Variants in SIK2 observed in about 807,000 individuals in gnomAD.
The protein encoded by SIK2 is salt inducible kinase 2.
A neutral mutation model predicts 103.2 loss-of-function variants in SIK2; 29 were observed. The observed-to-expected ratio is 0.28, with a 90% CI of 0.21 to 0.38. SIK2 has a LOEUF of 0.38. Ranked by LOEUF, SIK2 falls within the 10% of genes least tolerant of loss-of-function variation. SIK2 has a pLI of 1.00. For missense variants in SIK2, 879 were observed against 1,171.0 expected (o/e 0.75, Z 3.64); for synonymous variants, 412 against 446.1 (o/e 0.92, Z 0.96).
intron 3 of SIK2, chr11:111,672,150 C>T: frequency 6.8e-6 from 3 of 443,178 alleles, no homozygotes; most frequent in South Asian, 5.7e-5. Context: ...GGTCCACTTC[C>T]AGCTTAAAAG....
At chr11:111,605,646 A>G (rs1941640141) in intron 1 of SIK2, among the ~76,000 whole-genome samples, 1 of 152,174 alleles carries the variant, frequency 6.6e-6, no homozygotes, top group African/African-American at 2.4e-5. Context: ...GGGCTTAATC[A>G]TCTATGTAAT....
Position 111,602,526 on chromosome 11 carries a change from C to A in SIK2, c.-38C>A, listed in dbSNP as rs780264485. 34 of 1,445,536 alleles carry A rather than the reference C, an allele frequency of 2.4e-5. No individual in the cohort carries two copies. In the South Asian group the frequency reaches 4.0e-4, roughly 17 times the overall value. 89.5% of individuals were successfully genotyped at this position (1,445,536 alleles called of 1,614,324 possible). On this transcript the variant is annotated 5_prime_UTR_variant, in exon 1 of 15. Transcript: ENST00000304987. The surrounding 1 kb of genome is among the most constrained non-coding windows in gnomAD (Gnocchi z 4.5). The stretch of plus-strand genomic sequence containing the variant: ...CGCGCTGCCAACCCTCCCGCCCGCC[C>A]GCGCTCCTGTCCGCCGTGTCTAGCA...
intron 1 of SIK2, among the ~76,000 whole-genome samples, chr11:111,610,209 G>C (rs1483411665): frequency 6.6e-6 from 1 of 152,162 alleles, no homozygotes; most frequent in East Asian, 1.9e-4. Flanking sequence ...GACAGGATAG[G>C]CCAGGCATGG....
Position 111,722,860 on chromosome 11 carries a change from A to C in SIK2, c.2147+104A>C. 3 of 1,069,990 alleles carry C rather than the reference A, an allele frequency of 2.8e-6. No individual in the cohort carries two copies. The South Asian group carries it at 4.4e-5, about 16-fold the overall frequency. The allele number at this position is 1,069,990 out of a possible 1,614,324, so 66.3% of individuals were successfully genotyped here. A position where few individuals can be genotyped will look rare whatever the true frequency, so the allele number is the denominator to read the frequency against. On this transcript the variant is annotated intron_variant, in intron 14 of 14. Transcript: ENST00000304987. The surrounding 1 kb of genome is among the most constrained non-coding windows in gnomAD (Gnocchi z 4.4). ...TCTCACATTCGCCACTACTAGGAAA[A>C]TAGGTTTTCTGCGTGTGTCACAGGC...
intron 3 of SIK2, among the ~76,000 whole-genome samples, chr11:111,638,053 T>A (rs1357628255): frequency 1.3e-5 from 2 of 152,246 alleles, no homozygotes; most frequent in Non-Finnish European, 2.9e-5. Flanking sequence ...TAGGGTGATC[T>A]GACTGTGTTC....
intron 3 of SIK2, among the ~76,000 whole-genome samples, chr11:111,682,779 C>T (rs1942793334): frequency 1.3e-5 from 2 of 152,144 alleles, no homozygotes; most frequent in Admixed American, 1.3e-4. Flanking sequence ...TTTATTAGGA[C>T]ATTTCTACCT....
At chr11:111,720,276 C>A (rs1433366106) in intron 10 of SIK2, among the ~76,000 whole-genome samples, 1 of 152,122 alleles carries the variant, frequency 6.6e-6, no homozygotes, top group African/African-American at 2.4e-5. Flanking sequence ...TGGCTGAGAT[C>A]TTACAGATGC....
chr11:111,635,010 G>T (rs1942088015), intron 3 of SIK2, among the ~76,000 whole-genome samples: 1 of 152,140 alleles, frequency 6.6e-6, no homozygotes, highest in Admixed American at 6.6e-5. Context: ...ATTTTTATTA[G>T]ATATGTATAA....
chr11:111,612,920 ATATATATAT>A (rs1565306920), intron 1 of SIK2, among the ~76,000 whole-genome samples: 30 of 140,910 alleles, frequency 2.1e-4, no homozygotes, highest in East Asian at 5.8e-4. Flanking sequence ...AATGGGATAT[ATATATATAT>A]ATATATATAT....
chr11:111,711,121 ATT>A (rs773337497), intron 8 of SIK2, among the ~76,000 whole-genome samples: 4 of 143,936 alleles, frequency 2.8e-5, no homozygotes, highest in Non-Finnish European at 3.1e-5. Context: ...CTTTTAAATG[ATT>A]TTTTTTTTTT....
intron 3 of SIK2, among the ~76,000 whole-genome samples, chr11:111,631,664 C>G (rs181662275): frequency 1.9e-4 from 29 of 152,310 alleles, no homozygotes; most frequent in Admixed American, 1.6e-3. Flanking sequence ...ATTTAAAACT[C>G]TAGCCTTGAG....
At chr11:111,648,974 C>T (rs1012823603) in intron 3 of SIK2, among the ~76,000 whole-genome samples, 7 of 152,080 alleles carry the variant, frequency 4.6e-5, no homozygotes, top group South Asian at 2.1e-4. Flanking sequence ...TGTCTCCCTA[C>T]CAATTATGGT....
Position 111,722,957 on chromosome 11 carries a change from C to G in SIK2, c.2147+201C>G, listed in dbSNP as rs574516062. ...TGGTCCTGTCAGGCACTGGCAGCCC[C>G]ACAGTGTACTTTGTTTTCCTTTTCT... On this transcript the variant is annotated intron_variant, in intron 14 of 14. Coordinates refer to ENST00000304987, the MANE Select transcript of SIK2 (RefSeq NM_015191.3). The surrounding 1 kb of genome is among the most constrained non-coding windows in gnomAD (Gnocchi z 4.4). Among the ~76,000 whole-genome samples the G allele has an allele frequency of 2.0e-5, 3 of 152,306 alleles. No homozygotes were observed. In the South Asian group the frequency reaches 6.2e-4, roughly 32 times the overall value.
chr11:111,681,063 CAGAA>C (rs531494186), intron 3 of SIK2, among the ~76,000 whole-genome samples: 2 of 151,962 alleles, frequency 1.3e-5, no homozygotes, highest in Non-Finnish European at 2.9e-5. Context: ...ATTGCAGTGG[CAGAA>C]AGAAAATCTG....
At position 111,723,938 on chromosome 11, in the gene SIK2, C is replaced by A. The variant is rs767803933; in HGVS notation, c.2590C>A (p.Pro864Thr). The A allele has an allele frequency of 1.2e-6, 2 of 1,614,108 alleles. No homozygotes were observed. Among genetic ancestry groups the A allele is most frequent in the South Asian group, 1.1e-5 (1 of 91,070 alleles). The change falls in exon 15 of 15, where the codon CCC becomes ACC. Residue 864 changes from proline (P) to threonine (T), a missense_variant. This residue lies in a region of SIK2 where 375 missense variants were observed against 416.3 expected (regional missense o/e 0.90). Coordinates refer to ENST00000304987, the MANE Select transcript of SIK2 (RefSeq NM_015191.3). Reference protein sequence around the residue: ...AASPAPDYPTPCQYPVDGAQQ... With the variant: ...AASPAPDYPTTCQYPVDGAQQ... ...TTCCCCTGCGCCAGACTATCCCACTCCCTGTCAGTATCCTGTGGATGGAGC... is the reference window on the plus strand; with the variant it reads ...TTCCCCTGCGCCAGACTATCCCACTACCTGTCAGTATCCTGTGGATGGAGC...
At chr11:111,721,356 C>T (rs1401953720) in intron 12 of SIK2, among the ~76,000 whole-genome samples, 5 of 152,146 alleles carry the variant, frequency 3.3e-5, no homozygotes, top group Non-Finnish European at 7.4e-5. Context: ...TTGAACTCCC[C>T]TTCTCCTGCC....
chr11:111,607,699 A>G (rs1364206312), intron 1 of SIK2, among the ~76,000 whole-genome samples: 1 of 152,198 alleles, frequency 6.6e-6, no homozygotes, highest in African/African-American at 2.4e-5. Context: ...ATATACTTTC[A>G]TAGAATTTTT....
intron 3 of SIK2, among the ~76,000 whole-genome samples, chr11:111,637,617 G>A (rs989209201): frequency 2.0e-5 from 3 of 151,634 alleles, no homozygotes; most frequent in South Asian, 4.2e-4. Flanking sequence ...CCACCACCAC[G>A]CCTGGCTGAT....
At chr11:111,660,509 G>A (rs542206833) in intron 3 of SIK2, among the ~76,000 whole-genome samples, 1 of 152,280 alleles carries the variant, frequency 6.6e-6, no homozygotes, top group African/African-American at 2.4e-5. Flanking sequence ...TGCTATGAGT[G>A]AGGACTCCCC....
Sources: allele counts gnomAD v4.1 joint callset (sites outside exome capture counted in the v4.1 genomes callset), GRCh38; gene constraint gnomAD v4.1.1; regional missense constraint gnomAD v4.1.1; non-coding constraint Gnocchi (gnomAD v3.1); transcripts MANE v1.5; gene names NCBI Gene and HGNC (gene_info 2026-07-23, HGNC 2026-07-21).